KLHL13: variants seen among roughly 807,000 people sequenced by gnomAD.
KLHL13 encodes the protein kelch like family member 13, also known as kelch-like protein 13.
Under a neutral mutation model 37.1 loss-of-function variants are expected in KLHL13, and 10 were observed. That is an observed-to-expected ratio of 0.27 (90% CI 0.17 to 0.46). KLHL13 has a LOEUF of 0.46. KLHL13 is among the 20% of genes least tolerant of loss of function. KLHL13 has a pLI of 1.00. For synonymous variants in KLHL13, 163 were observed against 181.2 expected, an observed-to-expected ratio of 0.90 and a Z score of 0.81; for missense variants, 360 against 509.3, an observed-to-expected ratio of 0.71 and a Z score of 2.82.
At chrX:118,094,255 G>A (rs998414233) in intron 1 of KLHL13, among the ~76,000 whole-genome samples, 9 of 111,395 alleles carry the variant, frequency 8.1e-5, no homozygotes, top group Admixed American at 5.8e-4. Flanking sequence ...ACAAGCCTCA[G>A]TAGCCGATGC....
intron 5 of KLHL13, among the ~76,000 whole-genome samples, chrX:117,906,448 C>T (rs1247175061): frequency 9.0e-6 from 1 of 111,068 alleles, no homozygotes; most frequent in Non-Finnish European, 1.9e-5. Context: ...GTTTGGTTAC[C>T]TCCGTAATAC....
rs6645438 is a variant in KLHL13 at position 118,041,993 on chromosome X, T to G, written c.-56+74515A>C. 5.8e-3 allele frequency among the ~76,000 whole-genome samples: 649 copies of G among 111,365 alleles called. 5 individuals carry two copies. The highest frequency in any genetic ancestry group is 0.018 in the African/African-American group (558 of 30,733). The stretch of plus-strand genomic sequence containing the variant: ...ACATAACCTGTAGAGAAATACTTAG[T>G]TCAAAAATAAGGGAATGGAAAAAGA... On this transcript the variant is annotated intron_variant, in intron 1 of 6. Transcript: ENST00000371882.
chrX:118,115,213 G>A (rs2055454511), intron 1 of KLHL13, among the ~76,000 whole-genome samples: 1 of 112,557 alleles, frequency 8.9e-6, no homozygotes, highest in Non-Finnish European at 1.9e-5. Flanking sequence ...ACTAGATACA[G>A]TCTATTTCCA....
At chrX:117,906,032 C>T (rs904892995) in intron 5 of KLHL13, among the ~76,000 whole-genome samples, 2 of 111,245 alleles carry the variant, frequency 1.8e-5, no homozygotes, top group Admixed American at 9.6e-5. Flanking sequence ...AAATGACTTT[C>T]CCATCAATCC....
intron 2 of KLHL13, among the ~76,000 whole-genome samples, chrX:117,925,214 A>G (rs887772540): frequency 1.8e-5 from 2 of 112,093 alleles, no homozygotes; most frequent in Non-Finnish European, 3.8e-5. Flanking sequence ...ATTGTGAAAA[A>G]AAGCTACATT....
chrX:117,913,516 A>T (rs1232551053), intron 4 of KLHL13, among the ~76,000 whole-genome samples: 1 of 112,591 alleles, frequency 8.9e-6, no homozygotes, highest in Non-Finnish European at 1.9e-5. Flanking sequence ...CAGAGTTATA[A>T]CAGAAGTTAA....
At chrX:118,106,760 T>C (rs2055351813) in intron 1 of KLHL13, among the ~76,000 whole-genome samples, 1 of 111,959 alleles carries the variant, frequency 8.9e-6, no homozygotes, top group Admixed American at 9.5e-5. Flanking sequence ...AAAGGTAGAT[T>C]CATGTACTCT....
chrX:118,109,663 T>C (rs1331602532), intron 1 of KLHL13, among the ~76,000 whole-genome samples: 1 of 112,507 alleles, frequency 8.9e-6, no homozygotes, highest in Non-Finnish European at 1.9e-5. Flanking sequence ...AATCAGTACA[T>C]GTGCTCCACT....
At chrX:118,042,300 A>C (rs775462376) in intron 1 of KLHL13, among the ~76,000 whole-genome samples, 1 of 111,842 alleles carries the variant, frequency 8.9e-6, no homozygotes, top group Non-Finnish European at 1.9e-5. Flanking sequence ...CACATCACCC[A>C]GACTGAAAAA....
chrX:118,079,494 A>G (rs1441386702), intron 1 of KLHL13, among the ~76,000 whole-genome samples: 1 of 111,010 alleles, frequency 9.0e-6, no homozygotes, highest in African/African-American at 3.3e-5. Context: ...GTATACACCA[A>G]TAACACCCAG....
intron 2 of KLHL13, among the ~76,000 whole-genome samples, chrX:117,944,290 G>A (rs1166044289): frequency 1.8e-5 from 2 of 111,041 alleles, no homozygotes; most frequent in African/African-American, 6.6e-5. Context: ...AAAGATTCTC[G>A]TTCCTGACTC....
intron 1 of KLHL13, among the ~76,000 whole-genome samples, chrX:118,093,884 T>C (rs1295826627): frequency 9.2e-6 from 1 of 109,181 alleles, no homozygotes; most frequent in Non-Finnish European, 1.9e-5. Context: ...ATACTTTTTC[T>C]CTCGGGGGTG....
At chrX:117,959,950 A>G (rs1209436663) in intron 1 of KLHL13, among the ~76,000 whole-genome samples, 2 of 111,878 alleles carry the variant, frequency 1.8e-5, no homozygotes, top group Non-Finnish European at 3.8e-5. Context: ...TCGCATAAGC[A>G]CAAATTAAGC....
chrX:117,923,755 T>G (rs148770972), intron 2 of KLHL13, among the ~76,000 whole-genome samples: 1,555 of 111,698 alleles, frequency 0.014, 27 homozygotes, highest in African/African-American at 0.048. Flanking sequence ...TGTGGAGGTA[T>G]GTAATCAATG....
intron 1 of KLHL13, among the ~76,000 whole-genome samples, chrX:118,066,092 G>A (rs1274320762): frequency 2.7e-5 from 3 of 111,976 alleles, no homozygotes; most frequent in African/African-American, 9.7e-5. Context: ...TGAAGATTGT[G>A]AGTTCCAATT....
At chrX:117,930,150 AG>A (rs1932329002) in intron 2 of KLHL13, among the ~76,000 whole-genome samples, 1 of 106,168 alleles carries the variant, frequency 9.4e-6, no homozygotes, top group Non-Finnish European at 1.9e-5. Context: ...AAAAGAAAAG[AG>A]GAAAGAAAAA....
chrX:117,970,988 T>C (rs778334829), intron 1 of KLHL13, among the ~76,000 whole-genome samples: 2 of 111,891 alleles, frequency 1.8e-5, no homozygotes, highest in East Asian at 5.6e-4. Context: ...AGATCTATTA[T>C]ATTTTGTAGG....
intron 1 of KLHL13, among the ~76,000 whole-genome samples, chrX:118,027,399 A>C (rs1428708077): frequency 9.0e-6 from 1 of 111,520 alleles, no homozygotes; most frequent in Non-Finnish European, 1.9e-5. Flanking sequence ...AATGTAAAAG[A>C]AACATCATTG....
chrX:117,934,540 T>C (rs1458554814), intron 2 of KLHL13, among the ~76,000 whole-genome samples: 3 of 110,705 alleles, frequency 2.7e-5, no homozygotes, highest in Non-Finnish European at 5.7e-5. Context: ...GGATAAAGAA[T>C]TGGAGAATGG....
Sources: gnomAD v4.1 joint callset for allele counts (sites outside exome capture counted in the v4.1 genomes callset) on GRCh38, gnomAD v4.1.1 for gene constraint, MANE v1.5 for transcripts, NCBI Gene and HGNC (gene_info 2026-07-23, HGNC 2026-07-21) for gene names.